Variants in JAKMIP3 observed in about 807,000 individuals in gnomAD.
JAKMIP3 encodes the protein janus kinase and microtubule-interacting protein 3.
In JAKMIP3, 58 loss-of-function variants were observed where a neutral mutation model predicts 118.5. The observed-to-expected ratio is 0.49, with a 90% CI of 0.40 to 0.61. JAKMIP3 has a LOEUF of 0.61. Ranked by LOEUF, JAKMIP3 falls within the 20% of genes least tolerant of loss-of-function variation. JAKMIP3 has a pLI of 0.00. For missense variants in JAKMIP3, 950 were observed against 1,109.0 expected (o/e 0.86, Z 2.04); for synonymous variants, 486 against 451.2 (o/e 1.08, Z -0.98).
chr10:132,167,107 A>G (rs1464842551), intron 22 of JAKMIP3, 52 bp downstream of exon 22: 74 of 1,269,654 alleles, frequency 5.8e-5, no homozygotes, highest in Non-Finnish European at 8.1e-5. Context: ...GCTTCCCGGA[A>G]GACTCCTCTG....
Position 132,171,654 on chromosome 10 carries a change from T to TTC in JAKMIP3, c.*1103+2622_*1103+2623insCT, listed in dbSNP as rs1554960344. Among the ~76,000 whole-genome samples the TTC allele has an allele frequency of 1.1e-3, 105 of 96,418 alleles. 1 individual carries two copies. Among genetic ancestry groups the TTC allele is most frequent in the African/African-American group, 4.0e-3 (92 of 23,016 alleles). The allele number at this position is 96,418 out of a possible 152,430, so 63.3% of individuals were successfully genotyped here. Reference sequence around the variant, plus strand: ...GTCCCTGTCTTATTTTTTTCTTTCTTTTTTTTTTTTTTTTTTGAGACAGGG... The same window carrying TTC: ...GTCCCTGTCTTATTTTTTTCTTTCTTTCTTTTTTTTTTTTTTTTGAGACAGGG... On this transcript the variant is annotated intron_variant, in intron 23 of 23. Coordinates refer to ENST00000684848, the MANE Select transcript of JAKMIP3 (RefSeq NM_001323087.2).
chr10:132,105,452 C>T (rs548911384), intron 2 of JAKMIP3, among the ~76,000 whole-genome samples: 10 of 151,634 alleles, frequency 6.6e-5, no homozygotes, highest in Middle Eastern at 3.4e-3. Flanking sequence ...GGGAGGCCCA[C>T]GATGGCCTCT....
chr10:132,088,456 C>T (rs2042683308), intron 1 of JAKMIP3, among the ~76,000 whole-genome samples: 1 of 151,972 alleles, frequency 6.6e-6, no homozygotes, highest in Admixed American at 6.5e-5. Flanking sequence ...CTCTGATGGC[C>T]AGTGATGATG....
At chr10:132,038,257 G>C (rs917666161) in intron 1 of JAKMIP3, among the ~76,000 whole-genome samples, 4 of 152,126 alleles carry the variant, frequency 2.6e-5, no homozygotes, top group Non-Finnish European at 4.4e-5. Flanking sequence ...TTCCGTTCAG[G>C]TGGGTTCAGT....
intron 13 of JAKMIP3, among the ~76,000 whole-genome samples, chr10:132,146,004 A>T (rs1177459411): frequency 2.6e-5 from 4 of 152,142 alleles, no homozygotes; most frequent in African/African-American, 4.8e-5. Context: ...GTCCTCGGGG[A>T]AGAGCCCATG....
At chr10:132,139,847 G>A (rs1039883011) in intron 9 of JAKMIP3, among the ~76,000 whole-genome samples, 12 of 152,120 alleles carry the variant, frequency 7.9e-5, no homozygotes, top group Non-Finnish European at 1.6e-4. Context: ...CTGTGGCCAC[G>A]GCAGAAGGGA....
At chr10:132,113,101 C>G (rs2047117888) in intron 2 of JAKMIP3, among the ~76,000 whole-genome samples, 1 of 152,194 alleles carries the variant, frequency 6.6e-6, no homozygotes, top group Admixed American at 6.5e-5. Context: ...GTTCAGGGCT[C>G]ACTAGCCACT....
intron 19 of JAKMIP3, among the ~76,000 whole-genome samples, chr10:132,156,355 C>T (rs869251): frequency 0.14 from 21,065 of 152,198 alleles, 1,726 homozygotes; most frequent in South Asian, 0.27. Context: ...CCCTCTAGAA[C>T]AGTGCTCTCC....
At chr10:132,066,778 A>G (rs1008501175) in intron 1 of JAKMIP3, among the ~76,000 whole-genome samples, 1 of 152,174 alleles carries the variant, frequency 6.6e-6, no homozygotes, top group Non-Finnish European at 1.5e-5. Context: ...CAGTTGTTCA[A>G]AGAAAATCCA....
At chr10:132,149,600 C>A in intron 15 of JAKMIP3, 90 bp downstream of exon 15, 1 of 303,298 alleles carries the variant, frequency 3.3e-6, no homozygotes, top group Non-Finnish European at 5.7e-6. Context: ...CCCCTCCGCC[C>A]CCGCCCCACC....
rs2055373838 is a variant in JAKMIP3, at chr10:132,149,407, C to T, written c.1849-5C>T. On this transcript the variant is annotated splice_polypyrimidine_tract_variant and splice_region_variant and intron_variant, in intron 14 of 23. Transcript: ENST00000684848. ...GCGGCTCACCCTTCTGTCCCTCTGT[C>T]CTAGGAGAGGGAGAGGAAGTCACCC... The T allele has an allele frequency of 1.3e-6, 2 of 1,582,340 alleles. No homozygotes were observed. Among genetic ancestry groups the T allele is most frequent in the East Asian group, 2.3e-5 (1 of 43,988 alleles).
At chr10:132,127,409 T>C (rs1037344736) in intron 3 of JAKMIP3, among the ~76,000 whole-genome samples, 1 of 150,976 alleles carries the variant, frequency 6.6e-6, no homozygotes, top group East Asian at 1.9e-4. Flanking sequence ...TGTGTGTGTG[T>C]GTGTGTGTGC....
At chr10:132,136,930 T>G in intron 6 of JAKMIP3, 89 bp from the exon 7 acceptor site, 131 of 1,440,960 alleles carry the variant, frequency 9.1e-5, no homozygotes, top group Admixed American at 5.2e-4. Context: ...GCAGCCCGGG[T>G]TGAGGGAGAA....
At chr10:132,115,780 AAAAAT>A (rs2047551093) in intron 2 of JAKMIP3, among the ~76,000 whole-genome samples, 3 of 152,386 alleles carry the variant, frequency 2.0e-5, no homozygotes, top group Middle Eastern at 6.8e-3. Flanking sequence ...CTCGTGAAAA[AAAAAT>A]GAAAGGACCT....
intron 11 of JAKMIP3, 75 bp downstream of exon 11, chr10:132,142,123 A>AC (rs565186293): frequency 2.8e-6 from 4 of 1,451,854 alleles, no homozygotes; most frequent in Non-Finnish European, 3.7e-6. Context: ...GGGCTGGGAC[A>AC]CCCCCCTCAC....
intron 19 of JAKMIP3, 51 bp downstream of exon 19, chr10:132,154,041 C>T (rs368099429): frequency 1.3e-4 from 207 of 1,563,440 alleles, no homozygotes; most frequent in Non-Finnish European, 1.6e-4. Flanking sequence ...TGGGCTGAAA[C>T]GGCCACGTGG....
Position 132,168,770 on chromosome 10 carries a change from G to T in JAKMIP3, c.*840G>T, listed in dbSNP as rs2059188177. On this transcript the variant is annotated 3_prime_UTR_variant, in exon 23 of 24. Coordinates refer to ENST00000684848, the MANE Select transcript of JAKMIP3 (RefSeq NM_001323087.2). ...AGGGGGCGGAGCTGGCTGGAACACG[G>T]ATGCCAGAGGCTGCCTCCATAGTGA... is the stretch of plus-strand genomic sequence containing the variant. 1 of 249,794 alleles carries T rather than the reference G, an allele frequency of 4.0e-6. No homozygotes were observed. 15.5% of individuals were successfully genotyped at this position (249,794 alleles called of 1,614,324 possible).
intron 3 of JAKMIP3, among the ~76,000 whole-genome samples, chr10:132,124,642 C>T (rs1589872207): frequency 6.6e-6 from 1 of 152,366 alleles, no homozygotes. Flanking sequence ...TCCATTGCCA[C>T]GCGGTCACCC....
chr10:132,065,977 C>T lies in JAKMIP3; in HGVS notation c.-222C>T, dbSNP rs2038698270. 1.3e-5 allele frequency among the ~76,000 whole-genome samples: 2 copies of T among 152,128 alleles called. No individual in the cohort carries two copies. Among genetic ancestry groups the T allele is most frequent in the African/African-American group, 4.8e-5 (2 of 41,422 alleles). On this transcript the variant is annotated 5_prime_UTR_variant, in exon 1 of 24. Transcript: ENST00000684848. The surrounding 1 kb of genome is among the most constrained non-coding windows in gnomAD (Gnocchi z 5.6). ...GCTCGGAGCTGATTTGCGCAAAAGCCGGACTGAGTCTTGGACGAGCCGGGA... is the reference window on the plus strand; with the variant it reads ...GCTCGGAGCTGATTTGCGCAAAAGCTGGACTGAGTCTTGGACGAGCCGGGA...
Sources: allele counts gnomAD v4.1 joint callset (sites outside exome capture counted in the v4.1 genomes callset), GRCh38; gene constraint gnomAD v4.1.1; non-coding constraint Gnocchi (gnomAD v3.1); transcripts MANE v1.5; gene names NCBI Gene and HGNC (gene_info 2026-07-23, HGNC 2026-07-21).